Variants in RPS6KC1 observed in about 807,000 individuals in gnomAD.
RPS6KC1 encodes the protein inactive ribosomal protein S6 kinase delta-1.
Under a neutral mutation model 103.8 loss-of-function variants are expected in RPS6KC1, and 54 were observed. That is an observed-to-expected ratio of 0.52 (90% CI 0.42 to 0.65). RPS6KC1 has a LOEUF of 0.65. Among genes scored for constraint, RPS6KC1 ranks in the 30% least tolerant of loss-of-function variants. The probability of loss-of-function intolerance (pLI) is 0.00; values close to 1 mark genes in which losing one functional copy is unlikely to be tolerated. For synonymous variants in RPS6KC1, 439 were observed against 438.7 expected, an observed-to-expected ratio of 1.00 and a Z score of -0.01; for missense variants, 1,151 against 1,253.8, an observed-to-expected ratio of 0.92 and a Z score of 1.24.
Position 213,086,266 on chromosome 1 carries a change from C to T in RPS6KC1, c.262+8450C>T, listed in dbSNP as rs1217548897. ...CATGTGTGGGATGCCTAGTGGTACT[C>T]ATCCCCTAGGAAATTTTGTTGTCAG... On this transcript the variant is annotated intron_variant, in intron 3 of 14. Coordinates refer to ENST00000366960, the MANE Select transcript of RPS6KC1 (RefSeq NM_012424.6). 2.0e-5 allele frequency among the ~76,000 whole-genome samples: 3 copies of T among 152,180 alleles called. No individual in the cohort carries two copies. In the East Asian group the frequency reaches 5.8e-4, roughly 29 times the overall value.
At chr1:213,522,861 A>G in the RPS6KC1 span, among the ~76,000 whole-genome samples, 1 of 152,190 alleles carries the variant, frequency 6.6e-6, no homozygotes, top group Non-Finnish European at 1.5e-5. Context: ...TCTCCATATA[A>G]GCAAGATGGC....
At chr1:213,770,085 G>T in the RPS6KC1 span, among the ~76,000 whole-genome samples, 2 of 152,074 alleles carry the variant, frequency 1.3e-5, no homozygotes, top group Non-Finnish European at 2.9e-5. Flanking sequence ...CTCTGTTCTG[G>T]GTAAGATTCA....
At chr1:213,329,505 G>A in the RPS6KC1 span, among the ~76,000 whole-genome samples, 1 of 152,108 alleles carries the variant, frequency 6.6e-6, no homozygotes, top group Non-Finnish European at 1.5e-5. Flanking sequence ...CAGGAAGCCA[G>A]CAGGCAGAAT....
At chr1:213,280,310 T>C in the RPS6KC1 span, among the ~76,000 whole-genome samples, 1 of 152,216 alleles carries the variant, frequency 6.6e-6, no homozygotes, top group Admixed American at 6.5e-5. Flanking sequence ...TAACTCACCC[T>C]TTGTAGACAG....
chr1:213,585,933 G>A, the RPS6KC1 span, among the ~76,000 whole-genome samples: 1 of 152,288 alleles, frequency 6.6e-6, no homozygotes, highest in African/African-American at 2.4e-5. Flanking sequence ...GAGGGGATAT[G>A]CTGGATTGAG....
chr1:213,223,158 G>A (rs1313159726), intron 8 of RPS6KC1, among the ~76,000 whole-genome samples: 3 of 152,012 alleles, frequency 2.0e-5, no homozygotes, highest in African/African-American at 7.2e-5. Flanking sequence ...ACACAAATCC[G>A]GTTATATGTG....
the RPS6KC1 span, among the ~76,000 whole-genome samples, chr1:213,709,754 T>G: frequency 6.6e-6 from 1 of 152,236 alleles, no homozygotes; most frequent in Non-Finnish European, 1.5e-5. Context: ...ACTTATTTAT[T>G]TCTGCCTCAA....
At chr1:213,334,763 ATC>A in the RPS6KC1 span, among the ~76,000 whole-genome samples, 23 of 152,206 alleles carry the variant, frequency 1.5e-4, no homozygotes, top group Admixed American at 3.9e-4. Context: ...GGAGATGTAT[ATC>A]TCTCTCTCTC....
chr1:213,147,038 G>C (rs759488282), intron 6 of RPS6KC1, among the ~76,000 whole-genome samples: 3 of 151,890 alleles, frequency 2.0e-5, no homozygotes. Context: ...TTTTTTGATT[G>C]GATTATTAGA....
chr1:213,061,803 ATCTTTGAAAAATG>A (rs1250257362), intron 1 of RPS6KC1, among the ~76,000 whole-genome samples: 1 of 152,130 alleles, frequency 6.6e-6, no homozygotes, highest in Non-Finnish European at 1.5e-5. Flanking sequence ...AGAGATTCAT[ATCTTTGAAAAATG>A]AAAAGAGTGG....
the RPS6KC1 span, among the ~76,000 whole-genome samples, chr1:213,852,724 G>C: frequency 3.3e-5 from 5 of 152,112 alleles, no homozygotes; most frequent in African/African-American, 1.2e-4. Context: ...AGCTCCCAAT[G>C]AACACACACA....
chr1:213,608,687 CCA>C, the RPS6KC1 span, among the ~76,000 whole-genome samples: 1 of 152,088 alleles, frequency 6.6e-6, no homozygotes, highest in South Asian at 2.1e-4. Context: ...ACATAAATCA[CCA>C]GTTACTACTT....
chr1:213,740,176 G>C, the RPS6KC1 span, among the ~76,000 whole-genome samples: 6 of 152,100 alleles, frequency 3.9e-5, no homozygotes, highest in Admixed American at 6.6e-5. Flanking sequence ...CCATATCAGG[G>C]CTTCTGAGAA....
At chr1:213,775,129 A>G in the RPS6KC1 span, among the ~76,000 whole-genome samples, 736 of 152,336 alleles carry the variant, frequency 4.8e-3, 5 homozygotes, top group Non-Finnish European at 8.5e-3. Context: ...TCCTTAAATG[A>G]AAAGGGCAGT....
At chr1:213,195,813 TATTCC>T (rs1225797830) in intron 8 of RPS6KC1, among the ~76,000 whole-genome samples, 2 of 150,956 alleles carry the variant, frequency 1.3e-5, no homozygotes, top group Non-Finnish European at 2.9e-5. Flanking sequence ...GGCTGAGTAG[TATTCC>T]ATGGTGTGTG....
At chr1:213,562,544 C>A in the RPS6KC1 span, among the ~76,000 whole-genome samples, 1 of 151,726 alleles carries the variant, frequency 6.6e-6, no homozygotes, top group East Asian at 1.9e-4. Context: ...TGCCGGCCAC[C>A]ACGCCCGGCT....
chr1:213,371,008 G>A, the RPS6KC1 span, among the ~76,000 whole-genome samples: 3 of 152,108 alleles, frequency 2.0e-5, no homozygotes, highest in Non-Finnish European at 4.4e-5. Context: ...TAAGTGCACC[G>A]TTCAATAGAG....
chr1:213,278,829 T>C (rs1364077143), downstream of RPS6KC1, among the ~76,000 whole-genome samples: 1 of 152,206 alleles, frequency 6.6e-6, no homozygotes, highest in East Asian at 1.9e-4. Context: ...GCAGGAAGCC[T>C]TCCTGTATAG....
At chr1:213,505,982 TG>T in the RPS6KC1 span, among the ~76,000 whole-genome samples, 1 of 152,220 alleles carries the variant, frequency 6.6e-6, no homozygotes, top group African/African-American at 2.4e-5. Context: ...TGTAGCTTAT[TG>T]GCTGTCATCT....
Sources: allele counts gnomAD v4.1 joint callset (sites outside exome capture counted in the v4.1 genomes callset), GRCh38; gene constraint gnomAD v4.1.1; transcripts MANE v1.5; gene names NCBI Gene and HGNC (gene_info 2026-07-23, HGNC 2026-07-21).